HPSE2: variants seen among roughly 807,000 people sequenced by gnomAD.
HPSE2 encodes inactive heparanase-2.
HPSE2 carries 38 observed loss-of-function variants against 60.5 expected under a neutral mutation model. That is an observed-to-expected ratio of 0.63 (90% confidence interval 0.48 to 0.82). The LOEUF is 0.82. Among genes scored for constraint, HPSE2 ranks in the 40% least tolerant of loss-of-function variants. HPSE2 has a pLI of 0.00. For missense variants in HPSE2, 713 were observed against 740.4 expected (o/e 0.96, Z 0.43); for synonymous variants, 295 against 293.2 (o/e 1.01, Z -0.06).
chr10:99,102,657 A>C (rs1346117864), intron 3 of HPSE2, among the ~76,000 whole-genome samples: 2 of 152,158 alleles, frequency 1.3e-5, no homozygotes, highest in Admixed American at 6.5e-5. Flanking sequence ...CCTGATACCA[A>C]AGCCTGGCAG....
intron 9 of HPSE2, among the ~76,000 whole-genome samples, chr10:98,539,847 A>G (rs1386657229): frequency 1.3e-5 from 2 of 151,698 alleles, no homozygotes; most frequent in Non-Finnish European, 2.9e-5. Context: ...TCCTGATTTT[A>G]CCCCCACCTT....
intron 3 of HPSE2, among the ~76,000 whole-genome samples, chr10:98,845,889 G>A (rs887927628): frequency 6.6e-6 from 1 of 152,200 alleles, no homozygotes; most frequent in African/African-American, 2.4e-5. Context: ...GCTCAGTAAA[G>A]GAATGAGAGC....
At chr10:98,646,007 A>C (rs2134047621) in intron 6 of HPSE2, among the ~76,000 whole-genome samples, 1 of 152,042 alleles carries the variant, frequency 6.6e-6, no homozygotes, top group Non-Finnish European at 1.5e-5. Flanking sequence ...ACAAAGAAAA[A>C]CCCATAGGGT....
chr10:99,312,377 G>A, the HPSE2 span, among the ~76,000 whole-genome samples: 210 of 152,302 alleles, frequency 1.4e-3, no homozygotes, highest in Middle Eastern at 0.01. Context: ...TACAGCCGGC[G>A]ACTTTAGGCT....
chr10:98,461,261 C>A (rs1441505592), intron 11 of HPSE2, among the ~76,000 whole-genome samples: 1 of 152,178 alleles, frequency 6.6e-6, no homozygotes, highest in Non-Finnish European at 1.5e-5. Flanking sequence ...CAGGCCTGGC[C>A]CCACATGGGT....
At chr10:98,938,408 CT>C (rs1954877668) in intron 3 of HPSE2, among the ~76,000 whole-genome samples, 1 of 144,342 alleles carries the variant, frequency 6.9e-6, no homozygotes, top group Admixed American at 6.9e-5. Flanking sequence ...GCTGATGGAG[CT>C]GAAAGCCAAG....
At chr10:98,999,155 ACG>A (rs1491125719) in intron 3 of HPSE2, among the ~76,000 whole-genome samples, 9 of 115,084 alleles carry the variant, frequency 7.8e-5, no homozygotes, top group African/African-American at 3.4e-4. Flanking sequence ...GGTATAGACT[ACG>A]TGTGTGTGTG....
At chr10:98,670,945 T>C (rs1947490995) in intron 6 of HPSE2, among the ~76,000 whole-genome samples, 2 of 152,208 alleles carry the variant, frequency 1.3e-5, no homozygotes, top group African/African-American at 4.8e-5. Flanking sequence ...AAGCCCTTCC[T>C]TCTACAACTT....
intron 3 of HPSE2, among the ~76,000 whole-genome samples, chr10:99,110,860 C>G (rs530515009): frequency 6.6e-6 from 1 of 152,296 alleles, no homozygotes; most frequent in Non-Finnish European, 1.5e-5. Flanking sequence ...TATATTTTCT[C>G]CTATGTTATC....
At chr10:98,645,015 G>A (rs1379740097) in intron 6 of HPSE2, among the ~76,000 whole-genome samples, 1 of 152,002 alleles carries the variant, frequency 6.6e-6, no homozygotes, top group East Asian at 1.9e-4. Context: ...AATAAGGGAG[G>A]GAACAAGAAA....
At chr10:98,512,542 AC>A (rs1464100913) in intron 9 of HPSE2, among the ~76,000 whole-genome samples, 138 of 151,160 alleles carry the variant, frequency 9.1e-4, no homozygotes, top group African/African-American at 3.2e-3. Context: ...CCAAGATCGC[AC>A]CACTGCACTC....
intron 3 of HPSE2, among the ~76,000 whole-genome samples, chr10:99,004,724 C>G (rs913716602): frequency 2.3e-4 from 35 of 152,054 alleles, no homozygotes; most frequent in African/African-American, 8.5e-4. Context: ...TGTGTACTTA[C>G]TTTTACTAGT....
chr10:98,639,770 C>T (rs777259715), intron 7 of HPSE2, among the ~76,000 whole-genome samples: 52 of 152,186 alleles, frequency 3.4e-4, no homozygotes, highest in Non-Finnish European at 6.5e-4. Flanking sequence ...TTAGTTCTAA[C>T]CTACAGCCAC....
At chr10:98,621,774 G>A (rs1332789139) in intron 7 of HPSE2, among the ~76,000 whole-genome samples, 1 of 152,218 alleles carries the variant, frequency 6.6e-6, no homozygotes, top group Non-Finnish European at 1.5e-5. Context: ...TGAGTGCTGA[G>A]CAGATTCTCT....
At chr10:99,128,913 A>C (rs1845272788) in intron 3 of HPSE2, among the ~76,000 whole-genome samples, 1 of 152,176 alleles carries the variant, frequency 6.6e-6, no homozygotes, top group Non-Finnish European at 1.5e-5. Context: ...CTCACCTAAC[A>C]CATAACAACT....
chr10:98,828,593 A>C (rs999590263), intron 3 of HPSE2, among the ~76,000 whole-genome samples: 1 of 152,248 alleles, frequency 6.6e-6, no homozygotes, highest in African/African-American at 2.4e-5. Flanking sequence ...TAAGTACATA[A>C]AAATATGTTC....
At chr10:98,892,292 G>A (rs764566503) in intron 3 of HPSE2, among the ~76,000 whole-genome samples, 9 of 152,126 alleles carry the variant, frequency 5.9e-5, no homozygotes, top group African/African-American at 1.4e-4. Context: ...TGCATTATCC[G>A]AATCTTCAGT....
chr10:98,553,962 G>A (rs780308627), intron 9 of HPSE2, among the ~76,000 whole-genome samples: 9 of 152,082 alleles, frequency 5.9e-5, no homozygotes, highest in Non-Finnish European at 8.8e-5. Context: ...TGTTCACTGA[G>A]TACTCTCTCC....
intron 2 of HPSE2, among the ~76,000 whole-genome samples, chr10:99,224,038 G>A: frequency 6.6e-6 from 1 of 152,158 alleles, no homozygotes; most frequent in East Asian, 1.9e-4. Flanking sequence ...CAAAATTTAT[G>A]TTTAATATAT....
Sources: allele counts gnomAD v4.1 joint callset (sites outside exome capture counted in the v4.1 genomes callset), GRCh38; gene constraint gnomAD v4.1.1; transcripts MANE v1.5; gene names NCBI Gene and HGNC (gene_info 2026-07-23, HGNC 2026-07-21).